SAMD5: variants seen among roughly 807,000 people sequenced by gnomAD.
SAMD5 encodes the protein sterile alpha motif domain-containing protein 5.
A neutral mutation model predicts 11.3 loss-of-function variants in SAMD5; 13 were observed. The ratio of observed to expected loss-of-function variants is 1.15; its 90% CI spans 0.75 to 1.83. The LOEUF is 1.83. Ranked by LOEUF, SAMD5 falls within the 40% of genes most tolerant of loss-of-function variation. The pLI is 0.00. For synonymous variants in SAMD5, 129 were observed against 111.3 expected, an observed-to-expected ratio of 1.16 and a Z score of -1.00; for missense variants, 255 against 239.1, an observed-to-expected ratio of 1.07 and a Z score of -0.44.
the SAMD5 span, among the ~76,000 whole-genome samples, chr6:147,921,829 G>A: frequency 2.6e-5 from 4 of 152,278 alleles, no homozygotes; most frequent in South Asian, 8.3e-4. Flanking sequence ...TCTCAGAACA[G>A]AGAATAGTAT....
At chr6:147,897,058 G>GT in the SAMD5 span, among the ~76,000 whole-genome samples, 2 of 152,190 alleles carry the variant, frequency 1.3e-5, no homozygotes, top group South Asian at 4.1e-4. Flanking sequence ...TCTTTTTGAG[G>GT]TTAAAAGAAA....
At chr6:147,585,379 G>A (rs1789359557) in intron 1 of SAMD5, among the ~76,000 whole-genome samples, 1 of 152,148 alleles carries the variant, frequency 6.6e-6, no homozygotes, top group Admixed American at 6.6e-5. Flanking sequence ...GGTTTAGTCA[G>A]AAAACATTTC....
At chr6:147,605,769 G>A (rs577781248) in intron 1 of SAMD5, among the ~76,000 whole-genome samples, 14 of 152,098 alleles carry the variant, frequency 9.2e-5, no homozygotes, top group African/African-American at 2.9e-4. Flanking sequence ...GAGTTGAGCC[G>A]AAAGATAAAA....
At chr6:147,906,680 T>G in the SAMD5 span, among the ~76,000 whole-genome samples, 3 of 152,158 alleles carry the variant, frequency 2.0e-5, no homozygotes, top group Admixed American at 6.5e-5. Context: ...CTCAGTGAGG[T>G]GGGAGAAGTC....
chr6:147,569,320 TTAAG>T lies in SAMD5; in HGVS notation c.*4866_*4869del, dbSNP rs562343159. On this transcript the variant is annotated 3_prime_UTR_variant, in exon 2 of 2. Transcript: ENST00000367474. ...TTAAAATTGTTTAAACTCCTGGAAA[TTAAG>T]TGTTATTTTTTATTACTGCAGTTGA... 14 of 506,918 alleles carry T rather than the reference TTAAG, an allele frequency of 2.8e-5. No homozygotes were observed. The highest frequency in any genetic ancestry group is 2.3e-4 in the African/African-American group (11 of 48,126). 31.4% of individuals were successfully genotyped at this position (506,918 alleles called of 1,614,324 possible).
At chr6:147,821,857 C>T in the SAMD5 span, among the ~76,000 whole-genome samples, 31 of 152,216 alleles carry the variant, frequency 2.0e-4, no homozygotes, top group African/African-American at 7.2e-4. Flanking sequence ...GCCCCGGACC[C>T]CATGTTCCTC....
At chr6:147,930,931 C>G in the SAMD5 span, among the ~76,000 whole-genome samples, 1 of 152,226 alleles carries the variant, frequency 6.6e-6, no homozygotes, top group African/African-American at 2.4e-5. Flanking sequence ...TCTCAGTCCA[C>G]TGACTCACAT....
At chr6:147,897,991 G>A in the SAMD5 span, among the ~76,000 whole-genome samples, 1 of 142,248 alleles carries the variant, frequency 7.0e-6, no homozygotes, top group South Asian at 2.3e-4. Context: ...CAGGTGAGGA[G>A]AATGTAGGAT....
intron 1 of SAMD5, among the ~76,000 whole-genome samples, chr6:147,625,618 C>A (rs1790039096): frequency 6.6e-6 from 1 of 152,178 alleles, no homozygotes; most frequent in Admixed American, 6.5e-5. Flanking sequence ...TTAATACCTG[C>A]AGCCTTATCC....
At chr6:147,601,882 G>A (rs1475382435) in intron 1 of SAMD5, among the ~76,000 whole-genome samples, 1 of 152,086 alleles carries the variant, frequency 6.6e-6, no homozygotes. Flanking sequence ...TGGGTGCTAG[G>A]GAGTGTTCAT....
exon 2 of SAMD5, chr6:147,737,474 GC>G (rs1791821367): frequency 4.2e-6 from 2 of 474,202 alleles, no homozygotes; most frequent in South Asian, 3.8e-5. Context: ...GTGTTGTTTT[GC>G]CAGAATACTG....
Position 147,565,858 on chromosome 6 carries a change from C to A in SAMD5, c.*1402C>A, listed in dbSNP as rs1239942421. On this transcript the variant is annotated 3_prime_UTR_variant, in exon 2 of 2. Coordinates refer to ENST00000367474, the MANE Select transcript of SAMD5 (RefSeq NM_001030060.3). ...AGCCATGGCAAAAGATGTTGACGTA[C>A]AACTGGCTCCTGAGGCTGTCAATTG... The A allele has an allele frequency of 3.0e-5, 30 of 985,190 alleles. No homozygotes were observed. Among genetic ancestry groups the A allele is most frequent in the Non-Finnish European group, 3.6e-5 (30 of 829,864 alleles). The allele number at this position is 985,190 out of a possible 1,614,324, so 61.0% of individuals were successfully genotyped here.
intron 1 of SAMD5, among the ~76,000 whole-genome samples, chr6:147,597,134 A>G (rs953817097): frequency 6.6e-6 from 1 of 152,140 alleles, no homozygotes; most frequent in Non-Finnish European, 1.5e-5. Context: ...TATCATACAG[A>G]CGGATCTTCA....
At chr6:147,765,642 T>C in the SAMD5 span, among the ~76,000 whole-genome samples, 59 of 152,262 alleles carry the variant, frequency 3.9e-4, no homozygotes, top group African/African-American at 1.4e-3. Context: ...ACCAAGAAAT[T>C]AGTCAGCATG....
chr6:147,849,992 G>C, the SAMD5 span, among the ~76,000 whole-genome samples: 1 of 152,262 alleles, frequency 6.6e-6, no homozygotes, highest in African/African-American at 2.4e-5. Context: ...ATGAGAGAAA[G>C]CAAATAGTAT....
the SAMD5 span, among the ~76,000 whole-genome samples, chr6:147,896,289 G>GGAGCT: frequency 1.3e-5 from 2 of 152,130 alleles, no homozygotes; most frequent in Non-Finnish European, 2.9e-5. Context: ...CTGCCCTCAT[G>GGAGCT]GAGCTCAGCA....
intron 1 of SAMD5, among the ~76,000 whole-genome samples, chr6:147,664,175 G>A (rs983951949): frequency 2.0e-5 from 3 of 152,014 alleles, no homozygotes; most frequent in African/African-American, 7.3e-5. Flanking sequence ...GGATTTCCTT[G>A]ACAAACTTGA....
At chr6:147,713,618 A>G (rs1236086552) in intron 1 of SAMD5, among the ~76,000 whole-genome samples, 1 of 152,220 alleles carries the variant, frequency 6.6e-6, no homozygotes, top group Non-Finnish European at 1.5e-5. Context: ...AGAAGAGATC[A>G]TAGTGTCTAT....
chr6:147,677,776 G>A (rs961208182), intron 1 of SAMD5, among the ~76,000 whole-genome samples: 1 of 152,082 alleles, frequency 6.6e-6, no homozygotes, highest in African/African-American at 2.4e-5. Flanking sequence ...TGGTTGCATC[G>A]TAGTTAGTAG....
Sources: allele counts gnomAD v4.1 joint callset (sites outside exome capture counted in the v4.1 genomes callset), GRCh38; gene constraint gnomAD v4.1.1; transcripts MANE v1.5; gene names NCBI Gene and HGNC (gene_info 2026-07-23, HGNC 2026-07-21).